The following OGG1 variants were observed in gnomAD, a reference collection of about 807,000 sequenced individuals.
OGG1 encodes N-glycosylase/DNA lyase.
In OGG1, 35 loss-of-function variants were observed where a neutral mutation model predicts 42.3. The ratio of observed to expected loss-of-function variants is 0.83; its 90% CI spans 0.63 to 1.10. OGG1 has a LOEUF of 1.10. Among genes scored for constraint, OGG1 ranks in the 50% least tolerant of loss-of-function variants. OGG1 has a pLI of 0.00. For synonymous variants in OGG1, 189 were observed against 179.0 expected (o/e 1.06, Z -0.44); for missense variants, 484 against 446.7 (o/e 1.08, Z -0.75).
chr3:9,762,902 C>G (rs368338181), intron 7 of OGG1: 34 of 1,613,892 alleles, frequency 2.1e-5, no homozygotes, highest in Non-Finnish European at 2.8e-5. Flanking sequence ...ACCACACCCC[C>G]TTGAGCCCCA....
At chr3:9,781,011 AC>A (rs1462833351) in intron 2 of OGG1, among the ~76,000 whole-genome samples, 2 of 152,008 alleles carry the variant, frequency 1.3e-5, no homozygotes, top group Non-Finnish European at 2.9e-5. Flanking sequence ...GGTAGTGCAC[AC>A]CTGTAGTCCC....
downstream of OGG1, chr3:9,760,821 G>T: frequency 6.2e-7 from 1 of 1,608,760 alleles, no homozygotes; most frequent in Admixed American, 1.7e-5. Context: ...CGTTGGCTCC[G>T]GGGTGGAGCA....
intron 5 of OGG1, 29 bp downstream of exon 5, chr3:9,756,650 A>G: frequency 6.2e-7 from 1 of 1,612,326 alleles, no homozygotes; most frequent in Non-Finnish European, 8.5e-7. Context: ...AGGGGCTGGC[A>G]GTGGGCTGGG....
Position 9,751,955 on chromosome 3 carries a change from TA to T in OGG1, c.565+7del, listed in dbSNP as rs780804652. 5.0e-6 allele frequency: 8 copies of T among 1,613,332 alleles called. No individual in the cohort carries two copies. Among genetic ancestry groups the T allele is most frequent in the Non-Finnish European group, 6.8e-6 (8 of 1,179,472 alleles). ...CAGCCTGCAGGCCCTGGCTGGTGAG[TA>T]GGTGGGTCCCCTGCCCCCAGGCCTT... On this transcript the variant is annotated splice_region_variant and intron_variant, in intron 3 of 6. Transcript: ENST00000344629.
At chr3:9,774,423 A>C (rs1019880245) in intron 2 of OGG1, among the ~76,000 whole-genome samples, 10 of 151,458 alleles carry the variant, frequency 6.6e-5, no homozygotes, top group African/African-American at 1.9e-4. Context: ...AAAAAAAAAA[A>C]AAAAACAAAA....
intron 7 of OGG1, among the ~76,000 whole-genome samples, chr3:9,765,154 G>T (rs2078092907): frequency 6.6e-6 from 1 of 151,492 alleles, no homozygotes; most frequent in African/African-American, 2.4e-5. Flanking sequence ...TTGAACCCAA[G>T]AGGCAGAGGT....
In OGG1 at chr3:9,754,560, G is replaced by T. The variant is rs1317913318; in HGVS notation, c.566-144G>T. The T allele has an allele frequency of 8.6e-6, 7 of 817,676 alleles. No individual in the cohort carries two copies. The East Asian group carries it at 1.9e-4, about 22-fold the overall frequency. 50.7% of individuals were successfully genotyped at this position (817,676 alleles called of 1,614,324 possible). On this transcript the variant is annotated intron_variant, in intron 3 of 6. Coordinates refer to ENST00000344629, the MANE Select transcript of OGG1 (RefSeq NM_002542.6). The stretch of plus-strand genomic sequence containing the variant: ...CTAACCCTTTCCCTTGCACATAAAA[G>T]TGTCCACTATCCCATAGAGGGTGGG...
At position 9,750,116 on chromosome 3, in the gene OGG1, G is replaced by T. The variant is rs2077224775; in HGVS notation, c.-171G>T. The T allele has an allele frequency of 1.2e-6, 1 of 854,350 alleles. No individual in the cohort carries two copies. The highest frequency in any genetic ancestry group is 1.8e-6 in the Non-Finnish European group (1 of 563,918). 52.9% of individuals were successfully genotyped at this position (854,350 alleles called of 1,614,324 possible). Reference sequence around the variant, plus strand: ...GCGGGGCTTTGATGACCCGCAAAGGGCGAGGCATGCAGGAGGTGGAGGAAT... The same window carrying T: ...GCGGGGCTTTGATGACCCGCAAAGGTCGAGGCATGCAGGAGGTGGAGGAAT... On this transcript the variant is annotated 5_prime_UTR_variant, in exon 1 of 7. Transcript: ENST00000344629.
chr3:9,778,891 T>G (rs896471391), intron 2 of OGG1, among the ~76,000 whole-genome samples: 10 of 152,228 alleles, frequency 6.6e-5, no homozygotes, highest in Admixed American at 2.0e-4. Flanking sequence ...TATACGAGAA[T>G]GTTGGCCATG....
At chr3:9,788,679 A>C (rs1183831814), downstream of OGG1, among the ~76,000 whole-genome samples, 3 of 151,784 alleles carry the variant, frequency 2.0e-5, no homozygotes, top group Non-Finnish European at 4.4e-5. Context: ...AGCCAGGATT[A>C]CAGGTGCATG....
exon 8 of OGG1, chr3:9,765,947 C>G (rs1330854426): frequency 1.9e-6 from 3 of 1,614,212 alleles, no homozygotes; most frequent in Non-Finnish European, 2.5e-6. Context: ...TCCCTCCAGC[C>G]TCTCCTCCAT....
chr3:9,778,198 T>G (rs567722377), intron 2 of OGG1, among the ~76,000 whole-genome samples: 1 of 152,298 alleles, frequency 6.6e-6, no homozygotes, highest in Admixed American at 6.5e-5. Flanking sequence ...AGCCCTTCAT[T>G]GCATTATCAT....
At chr3:9,768,218 C>T (rs1026145021), downstream of OGG1, among the ~76,000 whole-genome samples, 2 of 152,206 alleles carry the variant, frequency 1.3e-5, no homozygotes, top group Non-Finnish European at 2.9e-5. Context: ...CTCCTCCTTC[C>T]CCCGACTCCC....
chr3:9,776,804 A>G (rs2078371882), intron 2 of OGG1, among the ~76,000 whole-genome samples: 1 of 152,160 alleles, frequency 6.6e-6, no homozygotes, highest in Non-Finnish European at 1.5e-5. Context: ...GGGTCACTGA[A>G]TGAGGGAACA....
intron 3 of OGG1, among the ~76,000 whole-genome samples, chr3:9,753,948 G>A (rs1383264749): frequency 2.6e-5 from 4 of 152,138 alleles, no homozygotes; most frequent in Admixed American, 6.5e-5. Flanking sequence ...GACCAGCCTG[G>A]GCAACATAGT....
downstream of OGG1, among the ~76,000 whole-genome samples, chr3:9,770,966 C>G (rs1575275604): frequency 6.6e-6 from 1 of 151,952 alleles, no homozygotes; most frequent in South Asian, 2.1e-4. Flanking sequence ...GTGCTTATGC[C>G]CAGCTCATTT....
intron 7 of OGG1, among the ~76,000 whole-genome samples, chr3:9,763,599 A>C (rs1472447201): frequency 6.6e-6 from 1 of 152,086 alleles, no homozygotes; most frequent in Admixed American, 6.5e-5. Flanking sequence ...TCTGGCATAC[A>C]CAGACCTGGG....
At chr3:9,776,731 C>T (rs1188980757) in intron 2 of OGG1, among the ~76,000 whole-genome samples, 1 of 152,104 alleles carries the variant, frequency 6.6e-6, no homozygotes, top group Non-Finnish European at 1.5e-5. Flanking sequence ...TTTTGATTGT[C>T]TGTCTAGTGT....
intron 2 of OGG1, 139 bp from the exon 3 acceptor site, chr3:9,751,631 T>C: frequency 1.2e-6 from 1 of 822,776 alleles, no homozygotes. Context: ...AGGTCTGGTG[T>C]TGCTTTCTCT....
Sources: allele counts gnomAD v4.1 joint callset (sites outside exome capture counted in the v4.1 genomes callset), GRCh38; gene constraint gnomAD v4.1.1; transcripts MANE v1.5; gene names NCBI Gene and HGNC (gene_info 2026-07-23, HGNC 2026-07-21).